Variants in TENM2 observed in about 807,000 individuals in gnomAD.
TENM2 encodes the protein teneurin-2.
In TENM2, 52 loss-of-function variants were observed where a neutral mutation model predicts 245.2. The observed-to-expected ratio is 0.21, with a 90% CI of 0.17 to 0.27. The LOEUF is 0.27. Among genes scored for constraint, TENM2 ranks in the 10% least tolerant of loss-of-function variants. TENM2 has a pLI of 1.00. For synonymous variants in TENM2, 1,363 were observed against 1,438.9 expected (o/e 0.95, Z 1.19); for missense variants, 3,046 against 3,666.8 (o/e 0.83, Z 4.37).
At chr5:167,003,072 T>C in the TENM2 span, among the ~76,000 whole-genome samples, 1 of 152,180 alleles carries the variant, frequency 6.6e-6, no homozygotes, top group East Asian at 1.9e-4. Context: ...TGGTGACTTA[T>C]TGTTAGGCTA....
chr5:167,082,653 G>A, the TENM2 span, among the ~76,000 whole-genome samples: 2 of 152,068 alleles, frequency 1.3e-5, no homozygotes, highest in Admixed American at 6.6e-5. Context: ...ATCTTAGTTT[G>A]CAACTACTGT....
At chr5:168,128,987 C>G (rs1315462752) in intron 12 of TENM2, 1 of 151,736 alleles carries the variant, frequency 6.6e-6, no homozygotes, top group Admixed American at 6.6e-5. Context: ...AAGGCTAACT[C>G]CTGAATTGCA....
At chr5:167,080,980 A>T in the TENM2 span, among the ~76,000 whole-genome samples, 4,668 of 152,052 alleles carry the variant, frequency 0.031, 96 homozygotes, top group South Asian at 0.091. Flanking sequence ...TTTTTTTAGT[A>T]TATTTTTCTG....
chr5:167,788,137 G>A (rs1428855477), intron 2 of TENM2, among the ~76,000 whole-genome samples: 1 of 152,092 alleles, frequency 6.6e-6, no homozygotes, highest in African/African-American at 2.4e-5. Flanking sequence ...GCTGTTAGAG[G>A]CCCTACTTTT....
chr5:167,360,147 C>T (rs1223689743), intron 1 of TENM2, among the ~76,000 whole-genome samples: 2 of 152,112 alleles, frequency 1.3e-5, no homozygotes, highest in Non-Finnish European at 2.9e-5. Flanking sequence ...AAGAAACCTG[C>T]ACATGTACTG....
At chr5:168,125,570 G>C (rs2152354182) in intron 11 of TENM2, among the ~76,000 whole-genome samples, 1 of 152,178 alleles carries the variant, frequency 6.6e-6, no homozygotes, top group East Asian at 1.9e-4. Flanking sequence ...GTTCAAGCCA[G>C]TCCCAACCTT....
At chr5:167,412,371 G>T (rs1029646819) in intron 2 of TENM2, among the ~76,000 whole-genome samples, 28 of 152,140 alleles carry the variant, frequency 1.8e-4, no homozygotes, top group African/African-American at 6.5e-4. Flanking sequence ...CAGAAACTAG[G>T]GTTAGCAGGC....
intron 1 of TENM2, among the ~76,000 whole-genome samples, chr5:167,344,509 G>T (rs981520503): frequency 1.3e-5 from 2 of 150,332 alleles, no homozygotes; most frequent in South Asian, 4.2e-4. Context: ...ACTTATTTAA[G>T]GAAAAAAAAA....
At chr5:167,274,347 C>T in the TENM2 span, among the ~76,000 whole-genome samples, 1 of 152,096 alleles carries the variant, frequency 6.6e-6, no homozygotes, top group African/African-American at 2.4e-5. Flanking sequence ...CATTCCTTTT[C>T]ACTGCTAAGC....
intron 5 of TENM2, among the ~76,000 whole-genome samples, chr5:168,044,541 A>T (rs1190998913): frequency 6.6e-6 from 1 of 152,114 alleles, no homozygotes; most frequent in East Asian, 1.9e-4. Context: ...ATAACATCCT[A>T]CAATCCAACC....
intron 2 of TENM2, among the ~76,000 whole-genome samples, chr5:167,392,938 A>G (rs944145173): frequency 6.6e-6 from 1 of 152,020 alleles, no homozygotes; most frequent in Non-Finnish European, 1.5e-5. Context: ...CCTGGCCAAC[A>G]TGGTGAAACC....
At chr5:167,005,095 C>T in the TENM2 span, among the ~76,000 whole-genome samples, 112 of 152,228 alleles carry the variant, frequency 7.4e-4, no homozygotes, top group Non-Finnish European at 1.2e-3. Context: ...CTTTTCCCCC[C>T]CATTTAATTA....
intron 2 of TENM2, among the ~76,000 whole-genome samples, chr5:167,461,570 T>C (rs2127493250): frequency 6.6e-6 from 1 of 152,298 alleles, no homozygotes; most frequent in Admixed American, 6.5e-5. Context: ...TAAGAGATAT[T>C]ATACTGTCCC....
chr5:167,707,256 G>A (rs1398238469), intron 2 of TENM2, among the ~76,000 whole-genome samples: 1 of 151,946 alleles, frequency 6.6e-6, no homozygotes, highest in South Asian at 2.1e-4. Context: ...TTTAAATCAG[G>A]TTGTTATGGT....
At chr5:167,321,985 C>T (rs926620292) in intron 1 of TENM2, among the ~76,000 whole-genome samples, 4 of 151,652 alleles carry the variant, frequency 2.6e-5, no homozygotes, top group South Asian at 4.2e-4. Context: ...TGCACCACCA[C>T]GTCTGACTAG....
the TENM2 span, among the ~76,000 whole-genome samples, chr5:167,140,651 G>A: frequency 6.6e-6 from 1 of 152,084 alleles, no homozygotes; most frequent in South Asian, 2.1e-4. Context: ...AAACAAATAC[G>A]TTTTAGGTAG....
intron 25 of TENM2, among the ~76,000 whole-genome samples, chr5:168,233,999 A>G (rs1055053450): frequency 6.6e-6 from 1 of 152,150 alleles, no homozygotes; most frequent in African/African-American, 2.4e-5. Context: ...TACAATTCAA[A>G]TCAAGATTTG....
chr5:167,318,133 G>A (rs2127765938), intron 1 of TENM2, among the ~76,000 whole-genome samples: 1 of 152,286 alleles, frequency 6.6e-6, no homozygotes, highest in East Asian at 1.9e-4. Context: ...GATTGTCAGT[G>A]TAGTTCTACA....
chr5:167,115,601 A>G, the TENM2 span, among the ~76,000 whole-genome samples: 1 of 152,234 alleles, frequency 6.6e-6, no homozygotes, highest in Non-Finnish European at 1.5e-5. Context: ...GTCAGTAGTT[A>G]GCTGGTTATA....
Sources: gnomAD v4.1 joint callset for allele counts (sites outside exome capture counted in the v4.1 genomes callset) on GRCh38, gnomAD v4.1.1 for gene constraint, MANE v1.5 for transcripts, NCBI Gene and HGNC (gene_info 2026-07-23, HGNC 2026-07-21) for gene names.